Variants in SCML4 observed in about 807,000 individuals in gnomAD.
SCML4 encodes the protein Scm polycomb group protein like 4.
In SCML4, 34 loss-of-function variants were observed where a neutral mutation model predicts 41.1. The observed-to-expected ratio is 0.83, with a 90% CI of 0.63 to 1.10. The LOEUF (loss-of-function observed/expected upper bound fraction) is 1.10, where lower values mean the gene tolerates loss of function less well. Among genes scored for constraint, SCML4 ranks in the 50% least tolerant of loss-of-function variants. SCML4 has a pLI of 0.00. For missense variants in SCML4, 522 were observed against 534.1 expected (o/e 0.98, Z 0.22); for synonymous variants, 214 against 220.9 (o/e 0.97, Z 0.28).
the SCML4 span, among the ~76,000 whole-genome samples, chr6:107,831,544 T>C: frequency 6.6e-6 from 1 of 151,706 alleles, no homozygotes; most frequent in African/African-American, 2.4e-5. Flanking sequence ...CAAGTGAACC[T>C]AGAGACTGGG....
At chr6:107,718,294 AG>A (rs1775034013) in intron 6 of SCML4, among the ~76,000 whole-genome samples, 1 of 152,186 alleles carries the variant, frequency 6.6e-6, no homozygotes, top group African/African-American at 2.4e-5. Flanking sequence ...GGTCTTATAA[AG>A]GGGAGTTCCC....
intron 1 of SCML4, among the ~76,000 whole-genome samples, chr6:107,798,619 C>A (rs958061594): frequency 4.0e-5 from 6 of 151,840 alleles, no homozygotes; most frequent in African/African-American, 1.5e-4. Context: ...AATTTGATTG[C>A]TTCCTTTTTT....
upstream of SCML4, among the ~76,000 whole-genome samples, chr6:107,825,079 T>C (rs1484966863): frequency 6.6e-6 from 1 of 152,236 alleles, no homozygotes; most frequent in Non-Finnish European, 1.5e-5. Context: ...GAGTGACTAT[T>C]CATTCCCATG....
chr6:107,733,144 GCCTGTGGCTGCACCTGGTCC>G (rs1776722877), intron 5 of SCML4, among the ~76,000 whole-genome samples: 1 of 152,188 alleles, frequency 6.6e-6, no homozygotes, highest in African/African-American at 2.4e-5. Flanking sequence ...GAACCAGAAG[GCCTGTGGCTGCACCTGGTCC>G]CCTGACCCAC....
At chr6:107,783,936 G>A (rs938975) in intron 1 of SCML4, among the ~76,000 whole-genome samples, 3,891 of 152,220 alleles carry the variant, frequency 0.026, 133 homozygotes, top group African/African-American at 0.077. Context: ...TCTGCTGGGC[G>A]ACCTGGTCCT....
chr6:107,724,400 T>G (rs1440009050), intron 5 of SCML4, among the ~76,000 whole-genome samples: 2 of 152,184 alleles, frequency 1.3e-5, no homozygotes, highest in Non-Finnish European at 2.9e-5. Flanking sequence ...GGAATCTACT[T>G]AAAAGACTGT....
intron 2 of SCML4, 80 bp downstream of exon 2, chr6:107,772,092 G>A: frequency 8.0e-7 from 1 of 1,253,524 alleles, no homozygotes. Context: ...ACCTCTAGTG[G>A]CATTTTGCAG....
At chr6:107,766,731 G>T (rs935683262) in intron 2 of SCML4, among the ~76,000 whole-genome samples, 3 of 152,144 alleles carry the variant, frequency 2.0e-5, no homozygotes, top group South Asian at 2.1e-4. Flanking sequence ...CATGGGCACT[G>T]GGGGGTAGGC....
In SCML4 at chr6:107,753,219, G is replaced by A. The variant is rs534604477; in HGVS notation, c.157-3406C>T. Among the ~76,000 whole-genome samples, 248 of 152,258 alleles carry A rather than the reference G, an allele frequency of 1.6e-3. 1 individual carries two copies. Among genetic ancestry groups the A allele is most frequent in the African/African-American group, 5.6e-3 (233 of 41,558 alleles). ...GATGTGGAGAAACTGGAACCCTTGAGCACTATTGGTGGAAATGTAAAATAG... is the reference window on the plus strand; with the variant it reads ...GATGTGGAGAAACTGGAACCCTTGAACACTATTGGTGGAAATGTAAAATAG... On this transcript the variant is annotated intron_variant, in intron 2 of 7. Coordinates refer to ENST00000369020, the MANE Select transcript of SCML4 (RefSeq NM_198081.5).
upstream of SCML4, among the ~76,000 whole-genome samples, chr6:107,826,810 T>C (rs1181814932): frequency 6.6e-6 from 1 of 152,208 alleles, no homozygotes; most frequent in East Asian, 1.9e-4. Context: ...ACGCCTGTAA[T>C]CCCAGCACTT....
At chr6:107,788,904 T>C (rs1326285673) in intron 1 of SCML4, among the ~76,000 whole-genome samples, 1 of 152,088 alleles carries the variant, frequency 6.6e-6, no homozygotes, top group African/African-American at 2.4e-5. Flanking sequence ...GCAAGGAGCA[T>C]AGGAAAACTC....
intron 1 of SCML4, among the ~76,000 whole-genome samples, chr6:107,793,378 G>T (rs1402145783): frequency 6.6e-6 from 1 of 152,194 alleles, no homozygotes; most frequent in Non-Finnish European, 1.5e-5. Flanking sequence ...CAGACAGGAA[G>T]CCCCTGCATG....
chr6:107,758,664 C>T (rs1041571276), intron 2 of SCML4, among the ~76,000 whole-genome samples: 1 of 152,032 alleles, frequency 6.6e-6, no homozygotes, highest in Non-Finnish European at 1.5e-5. Flanking sequence ...TGCTATGTGA[C>T]GACAGAGGCA....
At chr6:107,780,154 C>T (rs12665630) in intron 1 of SCML4, among the ~76,000 whole-genome samples, 27,740 of 151,982 alleles carry the variant, frequency 0.18, 3,054 homozygotes, top group South Asian at 0.27. Context: ...CAGCTGGAGT[C>T]GGAGGTGCCT....
chr6:107,838,506 T>C, the SCML4 span, among the ~76,000 whole-genome samples: 2 of 152,148 alleles, frequency 1.3e-5, no homozygotes, highest in African/African-American at 4.8e-5. Context: ...TTCAGGAGTG[T>C]CTGAAATGGA....
At chr6:107,705,963 C>G (rs1773578108) in intron 7 of SCML4, among the ~76,000 whole-genome samples, 1 of 152,204 alleles carries the variant, frequency 6.6e-6, no homozygotes, top group African/African-American at 2.4e-5. Context: ...TGGTCACCCT[C>G]CAGAATGCAT....
At chr6:107,792,979 C>A (rs1782448354) in intron 1 of SCML4, among the ~76,000 whole-genome samples, 1 of 152,030 alleles carries the variant, frequency 6.6e-6, no homozygotes, top group East Asian at 1.9e-4. Context: ...GGGGTAAGAA[C>A]TAAGACAAAT....
intron 7 of SCML4, 148 bp downstream of exon 7, chr6:107,707,718 C>T: frequency 3.4e-6 from 3 of 874,978 alleles, no homozygotes; most frequent in Non-Finnish European, 5.4e-6. Context: ...CCTCTCATCT[C>T]TGGCTCCCTT....
intron 6 of SCML4, 36 bp from the exon 7 acceptor site, chr6:107,708,047 T>C: frequency 1.3e-6 from 2 of 1,545,442 alleles, no homozygotes; most frequent in African/African-American, 1.4e-5. Flanking sequence ...CATGAGCCAG[T>C]GGGACAGGGC....
Sources: allele counts gnomAD v4.1 joint callset (sites outside exome capture counted in the v4.1 genomes callset), GRCh38; gene constraint gnomAD v4.1.1; transcripts MANE v1.5; gene names NCBI Gene and HGNC (gene_info 2026-07-23, HGNC 2026-07-21).